Variants in ACYP2 observed in about 807,000 individuals in gnomAD.
ACYP2 encodes the protein acylphosphatase-2.
In ACYP2, 12 loss-of-function variants were observed where a neutral mutation model predicts 11.2. The observed-to-expected ratio is 1.08, with a 90% CI of 0.69 to 1.74. ACYP2 has a LOEUF of 1.74. ACYP2 is among the 40% of genes most tolerant of loss of function. ACYP2 has a pLI of 0.00. For missense variants in ACYP2, 134 were observed against 101.9 expected, an observed-to-expected ratio of 1.31 and a Z score of -1.35; for synonymous variants, 43 against 32.2, an observed-to-expected ratio of 1.33 and a Z score of -1.13.
At chr2:53,972,023 C>T (rs1053938000) in intron 1 of ACYP2, among the ~76,000 whole-genome samples, 12 of 152,206 alleles carry the variant, frequency 7.9e-5, no homozygotes, top group Non-Finnish European at 2.9e-5. Flanking sequence ...AAGAATTACT[C>T]TGGCGGCCGG....
At chr2:54,198,397 T>C (rs1315129799) in intron 6 of ACYP2, among the ~76,000 whole-genome samples, 2 of 151,846 alleles carry the variant, frequency 1.3e-5, no homozygotes. Flanking sequence ...CAGGAACCAG[T>C]TAGGAAGGAG....
At chr2:54,272,531 C>A (rs1688355934) in intron 6 of ACYP2, among the ~76,000 whole-genome samples, 2 of 152,176 alleles carry the variant, frequency 1.3e-5, no homozygotes, top group African/African-American at 4.8e-5. Flanking sequence ...CCCATCAGCC[C>A]TTTGAGGTTA....
At chr2:54,229,356 A>G (rs753310349) in intron 6 of ACYP2, among the ~76,000 whole-genome samples, 32 of 152,208 alleles carry the variant, frequency 2.1e-4, no homozygotes, top group Admixed American at 3.3e-4. Context: ...TTTTTAAGAA[A>G]TGTAGTATGT....
At chr2:54,115,447 C>T in intron 4 of ACYP2, 168 bp from the exon 1 acceptor site, 1 of 904,742 alleles carries the variant, frequency 1.1e-6, no homozygotes, top group Non-Finnish European at 1.6e-6. Flanking sequence ...CTCCCCAGTC[C>T]GGGAAGAGAG....
chr2:54,039,235 T>TC (rs35228135), intron 2 of ACYP2, among the ~76,000 whole-genome samples: 80 of 148,076 alleles, frequency 5.4e-4, no homozygotes, highest in South Asian at 4.9e-3. Context: ...TTTTTTTTTT[T>TC]CCCCAGCCTA....
chr2:54,267,817 T>C (rs1355323255), intron 6 of ACYP2, among the ~76,000 whole-genome samples: 1 of 152,184 alleles, frequency 6.6e-6, no homozygotes, highest in African/African-American at 2.4e-5. Flanking sequence ...GAGTTATTTC[T>C]GCAGCTGGGA....
At chr2:54,014,117 T>C (rs1399798077) in intron 2 of ACYP2, among the ~76,000 whole-genome samples, 1 of 151,466 alleles carries the variant, frequency 6.6e-6, no homozygotes, top group African/African-American at 2.4e-5. Flanking sequence ...GAGATCGCAC[T>C]GTTGCACTCC....
chr2:54,050,829 C>A (rs980373048), intron 2 of ACYP2: 1 of 362,986 alleles, frequency 2.8e-6, no homozygotes, highest in Non-Finnish European at 4.9e-6. Flanking sequence ...GGCTGGAGTG[C>A]AGTAGCACCA....
chr2:54,278,582 G>A (rs888025993), intron 6 of ACYP2, among the ~76,000 whole-genome samples: 3 of 152,164 alleles, frequency 2.0e-5, no homozygotes, highest in African/African-American at 7.2e-5. Context: ...GGATTGATTA[G>A]CAATGTCTAC....
intron 6 of ACYP2, among the ~76,000 whole-genome samples, chr2:54,222,685 A>G (rs1311343159): frequency 6.6e-6 from 1 of 152,212 alleles, no homozygotes; most frequent in Non-Finnish European, 1.5e-5. Context: ...AAATTAGCTC[A>G]GACCCAAATT....
intron 4 of ACYP2, among the ~76,000 whole-genome samples, chr2:54,095,637 TG>T (rs1678503263): frequency 7.9e-6 from 1 of 127,146 alleles, no homozygotes; most frequent in Non-Finnish European, 1.6e-5. Flanking sequence ...CCCTCCCAGA[TG>T]GGGCGGCTGG....
At chr2:54,197,244 C>T (rs1022623378) in intron 6 of ACYP2, among the ~76,000 whole-genome samples, 3 of 152,082 alleles carry the variant, frequency 2.0e-5, no homozygotes, top group African/African-American at 7.2e-5. Context: ...TGAGAGCTAC[C>T]TCAGGGGTCA....
At chr2:54,216,381 A>G (rs925409082) in intron 6 of ACYP2, among the ~76,000 whole-genome samples, 10 of 152,198 alleles carry the variant, frequency 6.6e-5, no homozygotes, top group African/African-American at 2.4e-4. Context: ...ATAATTTGTC[A>G]AATTATACAA....
intron 6 of ACYP2, among the ~76,000 whole-genome samples, chr2:54,220,458 CTT>C (rs1558622803): frequency 2.0e-5 from 3 of 152,132 alleles, no homozygotes; most frequent in African/African-American, 7.2e-5. Context: ...TTAAATCAAT[CTT>C]AATATATTTT....
At chr2:54,097,912 C>T (rs1311577869) in intron 4 of ACYP2, among the ~76,000 whole-genome samples, 1 of 139,594 alleles carries the variant, frequency 7.2e-6, no homozygotes, top group Non-Finnish European at 1.5e-5. Flanking sequence ...TCCTTCCTTT[C>T]TTTCTTCTTT....
intron 6 of ACYP2, among the ~76,000 whole-genome samples, chr2:54,195,794 G>GGTTTTTTTT (rs1553389697): frequency 1.4e-3 from 114 of 83,144 alleles, no homozygotes; most frequent in African/African-American, 5.3e-3. Flanking sequence ...TTTGTTGTGG[G>GGTTTTTTTT]TTTTTTTTTT....
At chr2:54,295,307 A>G (rs761016565) in intron 6 of ACYP2, among the ~76,000 whole-genome samples, 6 of 152,240 alleles carry the variant, frequency 3.9e-5, no homozygotes, top group African/African-American at 9.6e-5. Flanking sequence ...TAGGCCTCCA[A>G]TGTTCTTTAA....
At chr2:53,994,512 CAGAAA>C (rs1457306043) in intron 2 of ACYP2, among the ~76,000 whole-genome samples, 2 of 30,500 alleles carry the variant, frequency 6.6e-5, no homozygotes, top group Non-Finnish European at 1.5e-4. Flanking sequence ...GAGTAAGACT[CAGAAA>C]AAAAAAAAAA....
chr2:54,165,468 CTCTT>C lies in ACYP2; in HGVS notation c.404+26724_404+26727del, dbSNP rs566406230. On this transcript the variant is annotated intron_variant, in intron 6 of 6. Coordinates refer to ENST00000607452, the MANE Select transcript of ACYP2 (RefSeq NM_001320586.2). Reference sequence around the variant, plus strand: ...CTGGTCTGTCTGTCTGTCTGTCTCTCTCTTTCTCTGTGTGTGTGTCTGTCTCTCT... The same window carrying C: ...CTGGTCTGTCTGTCTGTCTGTCTCTCTCTCTGTGTGTGTGTCTGTCTCTCT... Among the ~76,000 whole-genome samples the C allele has an allele frequency of 7.9e-5, 12 of 152,042 alleles. No individual in the cohort carries two copies. The South Asian group carries it at 2.1e-3, about 26-fold the overall frequency.
Sources: allele counts gnomAD v4.1 joint callset (sites outside exome capture counted in the v4.1 genomes callset), GRCh38; gene constraint gnomAD v4.1.1; transcripts MANE v1.5; gene names NCBI Gene and HGNC (gene_info 2026-07-23, HGNC 2026-07-21).